The following SWT1 variants were observed in gnomAD, a reference collection of about 807,000 sequenced individuals.
SWT1 encodes the protein SWT1 RNA endoribonuclease homolog.
SWT1 carries 33 observed loss-of-function variants against 107.3 expected under a neutral mutation model. The ratio of observed to expected loss-of-function variants is 0.31; its 90% CI spans 0.23 to 0.41. The LOEUF (loss-of-function observed/expected upper bound fraction) is 0.41, where lower values mean the gene tolerates loss of function less well. SWT1 is among the 10% of genes least tolerant of loss of function. The pLI is 1.00. For missense variants in SWT1, 898 were observed against 1,028.9 expected, an observed-to-expected ratio of 0.87 and a Z score of 1.74; for synonymous variants, 345 against 348.3, an observed-to-expected ratio of 0.99 and a Z score of 0.11.
chr1:185,251,703 C>G lies in SWT1; in HGVS notation c.2442-19620C>G, dbSNP rs551859207. ...ATTTTTTCTTTGCTTTTTCATCAAC[C>G]ATTTGGAGTCATTATTTTCTTTAGC... On this transcript the variant is annotated intron_variant, in intron 16 of 18. Coordinates refer to ENST00000367500, the MANE Select transcript of SWT1 (RefSeq NM_017673.7). Among the ~76,000 whole-genome samples the G allele has an allele frequency of 7.2e-5, 11 of 151,734 alleles. No homozygotes were observed. In the East Asian group the frequency reaches 1.7e-3, roughly 24 times the overall value.
chr1:185,229,700 G>A (rs1027177898), intron 15 of SWT1, among the ~76,000 whole-genome samples: 1 of 151,890 alleles, frequency 6.6e-6, no homozygotes, highest in African/African-American at 2.4e-5. Flanking sequence ...AACCAGGTAT[G>A]TTAGTAATGC....
intron 16 of SWT1, chr1:185,264,334 T>C: frequency 1.0e-6 from 1 of 985,106 alleles, no homozygotes; most frequent in Middle Eastern, 5.2e-4. Flanking sequence ...GAGAAGACCA[T>C]TACCGTTCAT....
rs193063438 is a variant in SWT1, at chr1:185,227,075, C to T, written c.2310-4502C>T. On this transcript the variant is annotated intron_variant, in intron 15 of 18. Transcript: ENST00000367500. Reference sequence around the variant, plus strand: ...CTTTATCTTCTTCCATTAAATAGCACATGTAATCTGCAACATTCTGGCCCA... The same window carrying T: ...CTTTATCTTCTTCCATTAAATAGCATATGTAATCTGCAACATTCTGGCCCA... The T allele has an allele frequency of 3.6e-4, 375 of 1,045,706 alleles. 2 individuals carry two copies. The African/African-American group carries it at 5.5e-3, about 15-fold the overall frequency. The allele number at this position is 1,045,706 out of a possible 1,614,324, so 64.8% of individuals were successfully genotyped here.
At chr1:185,225,772 C>T (rs560434324) in intron 15 of SWT1, among the ~76,000 whole-genome samples, 1 of 152,144 alleles carries the variant, frequency 6.6e-6, no homozygotes, top group South Asian at 2.1e-4. Context: ...CAGTGCATTT[C>T]TTAGAATGTA....
intron 18 of SWT1, among the ~76,000 whole-genome samples, chr1:185,287,274 G>A (rs536882731): frequency 2.4e-4 from 36 of 152,220 alleles, no homozygotes; most frequent in Non-Finnish European, 4.4e-4. Context: ...ATTTTGACCC[G>A]AGATTTGGTC....
Position 185,192,138 on chromosome 1 carries a change from T to G in SWT1, c.1523+1496T>G, listed in dbSNP as rs75009269. ...AACACTTATATACTATGCATCATTCTAAGTGCTTACATTTACAATCATATG... is the reference window on the plus strand; with the variant it reads ...AACACTTATATACTATGCATCATTCGAAGTGCTTACATTTACAATCATATG... On this transcript the variant is annotated intron_variant, in intron 10 of 18. Coordinates refer to ENST00000367500, the MANE Select transcript of SWT1 (RefSeq NM_017673.7). Among the ~76,000 whole-genome samples the G allele has an allele frequency of 7.1e-3, 1,081 of 152,366 alleles. 3 individuals carry two copies. The highest frequency in any genetic ancestry group is 0.011 in the Non-Finnish European group (769 of 68,036).
At chr1:185,262,390 G>A (rs1364130780) in intron 16 of SWT1, 4 of 152,172 alleles carry the variant, frequency 2.6e-5, no homozygotes, top group Admixed American at 2.0e-4. Flanking sequence ...ATCATCCAAG[G>A]AAGCATAATG....
At chr1:185,192,716 C>T (rs1368348066) in intron 10 of SWT1, among the ~76,000 whole-genome samples, 18 of 151,004 alleles carry the variant, frequency 1.2e-4, no homozygotes, top group Non-Finnish European at 1.2e-4. Flanking sequence ...GGCGCCATCT[C>T]GGCTAACTGC....
At chr1:185,160,803 CA>C in intron 1 of SWT1, 29 bp from the exon 2 acceptor site, 1 of 1,521,504 alleles carries the variant, frequency 6.6e-7, no homozygotes, top group Non-Finnish European at 9.0e-7. Flanking sequence ...AGTGCAAAAA[CA>C]AATCCTATAT....
At chr1:185,253,990 G>C (rs1284270011) in intron 16 of SWT1, among the ~76,000 whole-genome samples, 14 of 144,714 alleles carry the variant, frequency 9.7e-5, no homozygotes, top group African/African-American at 2.7e-4. Context: ...TAGCATGAAG[G>C]GTTGTTGAAT....
intron 16 of SWT1, among the ~76,000 whole-genome samples, chr1:185,233,099 T>C (rs1660611383): frequency 6.6e-6 from 1 of 152,122 alleles, no homozygotes; most frequent in African/African-American, 2.4e-5. Context: ...AATCAGAAAC[T>C]GTGGGTATGA....
chr1:185,193,531 A>G (rs1013136835), intron 10 of SWT1, among the ~76,000 whole-genome samples: 1 of 151,064 alleles, frequency 6.6e-6, no homozygotes, highest in Admixed American at 6.6e-5. Context: ...AAGTGGTGCA[A>G]TCTTGGCTCA....
chr1:185,289,245 C>T (rs1473422905), intron 18 of SWT1, among the ~76,000 whole-genome samples: 1 of 152,212 alleles, frequency 6.6e-6, no homozygotes, highest in Non-Finnish European at 1.5e-5. Flanking sequence ...AAGATAAAAG[C>T]ACTTAGTTGC....
rs755172559 is a variant in SWT1 at position 185,174,491 on chromosome 1, C to A, written c.344C>A (p.Pro115His). ...SNDNQIILQS[P>H]SSNGTKKDIH... ...GATAATCAAATTATTTTGCAGAGTC[C>A]TTCTTCAAATGGAACTAAAAAAGAC... is the stretch of plus-strand genomic sequence containing the variant. The change falls in exon 5 of 19, where the codon CCT (proline) becomes CAT (histidine). Residue 115 changes from proline to histidine, a missense_variant. Pro to His is a moderately conservative substitution (Grantham distance 77). Around this residue, in one of 6 missense-constraint regions of SWT1, gnomAD observed 382 missense variants for 362.4 expected, o/e 1.05. Coordinates refer to ENST00000367500, the MANE Select transcript of SWT1 (RefSeq NM_017673.7). 10 of 1,611,046 alleles carry A rather than the reference C, an allele frequency of 6.2e-6. No individual in the cohort carries two copies. The highest frequency in any genetic ancestry group is 1.1e-5 in the South Asian group (1 of 90,148).
intron 18 of SWT1, among the ~76,000 whole-genome samples, chr1:185,279,949 A>T (rs748280810): frequency 6.6e-6 from 1 of 152,050 alleles, no homozygotes; most frequent in African/African-American, 2.4e-5. Flanking sequence ...GAAACTGTTG[A>T]TGTGCCACAC....
At chr1:185,184,670 C>T in intron 8 of SWT1, 73 bp from the exon 9 acceptor site, 1 of 1,173,382 alleles carries the variant, frequency 8.5e-7, no homozygotes, top group African/African-American at 1.6e-5. Flanking sequence ...AAACTTTTAC[C>T]TCTTGGACAG....
At chr1:185,254,879 C>T (rs975412754) in intron 16 of SWT1, among the ~76,000 whole-genome samples, 10 of 151,956 alleles carry the variant, frequency 6.6e-5, no homozygotes, top group African/African-American at 1.9e-4. Flanking sequence ...GTTAGGGTGT[C>T]AGTTTTGGAT....
intron 16 of SWT1, among the ~76,000 whole-genome samples, chr1:185,265,335 A>C (rs1392874322): frequency 6.6e-6 from 1 of 152,182 alleles, no homozygotes; most frequent in Non-Finnish European, 1.5e-5. Flanking sequence ...TCTCATTTGC[A>C]TAGCTGATTT....
intron 16 of SWT1, among the ~76,000 whole-genome samples, chr1:185,265,113 T>A (rs1055125666): frequency 2.6e-5 from 4 of 152,160 alleles, no homozygotes; most frequent in African/African-American, 9.7e-5. Flanking sequence ...TTGTCCAAAC[T>A]TTTATCAAAA....
Sources: allele counts gnomAD v4.1 joint callset (sites outside exome capture counted in the v4.1 genomes callset), GRCh38; gene constraint gnomAD v4.1.1; regional missense constraint gnomAD v4.1.1; transcripts MANE v1.5; gene names NCBI Gene and HGNC (gene_info 2026-07-23, HGNC 2026-07-21).